Variants in PCDHGA9 observed in about 807,000 individuals in gnomAD.
PCDHGA9 encodes protocadherin gamma-A9.
PCDHGA9 carries 37 observed loss-of-function variants against 62.5 expected under a neutral mutation model. The observed-to-expected ratio is 0.59, with a 90% CI of 0.46 to 0.78. PCDHGA9 has a LOEUF of 0.78. Ranked by LOEUF, PCDHGA9 falls within the 30% of genes least tolerant of loss-of-function variation. PCDHGA9 has a pLI of 0.00. For synonymous variants in PCDHGA9, 459 were observed against 484.6 expected, an observed-to-expected ratio of 0.95 and a Z score of 0.69; for missense variants, 1,138 against 1,166.2, an observed-to-expected ratio of 0.98 and a Z score of 0.35.
At chr5:141,465,184 A>G (rs866520508) in intron 1 of PCDHGA9, among the ~76,000 whole-genome samples, 2 of 152,130 alleles carry the variant, frequency 1.3e-5, no homozygotes, top group Admixed American at 6.5e-5. Flanking sequence ...ATTTAATTAA[A>G]AGATAAAAAT....
intron 1 of PCDHGA9, chr5:141,423,156 C>T (rs62378456): frequency 0.034 from 55,171 of 1,613,388 alleles, 1,070 homozygotes; most frequent in Middle Eastern, 0.098. Context: ...AGCAGAGCCT[C>T]GTGGTGGCCG....
chr5:141,422,487 T>C lies in PCDHGA9; in HGVS notation c.2424+17111T>C, dbSNP rs1295400741. 5.0e-6 allele frequency: 8 copies of C among 1,613,938 alleles called. No individual in the cohort carries two copies. The East Asian group carries it at 1.8e-4, about 36-fold the overall frequency. ...ACAGGGAGTTGGTCCAGAGCTACAA[T>C]ATAACGTTGACAGCCACAGACCAGG... On this transcript the variant is annotated intron_variant, in intron 1 of 3. Coordinates refer to ENST00000573521, the MANE Select transcript of PCDHGA9 (RefSeq NM_018921.3).
At chr5:141,452,256 C>T (rs533770410) in intron 1 of PCDHGA9, among the ~76,000 whole-genome samples, 1 of 152,298 alleles carries the variant, frequency 6.6e-6, no homozygotes, top group African/African-American at 2.4e-5. Flanking sequence ...CCATAACTCT[C>T]TCATTTTCTT....
At chr5:141,469,314 C>A (rs982242861) in intron 1 of PCDHGA9, among the ~76,000 whole-genome samples, 1 of 151,982 alleles carries the variant, frequency 6.6e-6, no homozygotes, top group Non-Finnish European at 1.5e-5. Flanking sequence ...CGATGGCTCA[C>A]GCCTGTAATC....
At chr5:141,466,034 A>T (rs189202430) in intron 1 of PCDHGA9, among the ~76,000 whole-genome samples, 1,557 of 152,178 alleles carry the variant, frequency 0.01, 35 homozygotes, top group African/African-American at 0.035. Flanking sequence ...AGGCAGGAGA[A>T]CGGCATGAAC....
chr5:141,473,925 T>C (rs1338065496), intron 1 of PCDHGA9, among the ~76,000 whole-genome samples: 1 of 152,124 alleles, frequency 6.6e-6, no homozygotes, highest in East Asian at 1.9e-4. Context: ...AACTATGAGC[T>C]GGGTGCAGTA....
chr5:141,414,290 T>G (rs781378958), intron 1 of PCDHGA9: 5 of 1,613,154 alleles, frequency 3.1e-6, no homozygotes, highest in Non-Finnish European at 4.2e-6. Context: ...GTCGTAGCCC[T>G]TTTAAATGTG....
chr5:141,457,635 T>G (rs1242403589), intron 1 of PCDHGA9, among the ~76,000 whole-genome samples: 2 of 152,270 alleles, frequency 1.3e-5, no homozygotes, highest in African/African-American at 4.8e-5. Flanking sequence ...ATACTTGGCC[T>G]GATTATTTGC....
At position 141,491,121 on chromosome 5, in the gene PCDHGA9, G is replaced by T. The variant is rs1176877834; in HGVS notation, c.2425-3686G>T. On this transcript the variant is annotated intron_variant, in intron 1 of 3. Transcript: ENST00000573521. The surrounding 1 kb of genome is among the most constrained non-coding windows in gnomAD (Gnocchi z 6.9). ...TCCTCGTGTCTACACACACTGGTGA[G>T]GTGCGCACAGCCCGGGCCTTACTGG... 5 of 1,614,200 alleles carry T rather than the reference G, an allele frequency of 3.1e-6. No individual in the cohort carries two copies. In the South Asian group the frequency reaches 5.5e-5, roughly 18 times the overall value.
chr5:141,505,911 A>C (rs2099849083), intron 3 of PCDHGA9, among the ~76,000 whole-genome samples: 1 of 152,154 alleles, frequency 6.6e-6, no homozygotes, highest in South Asian at 2.1e-4. Flanking sequence ...CAAAGCATAG[A>C]GTTCTGGGCC....
At position 141,408,301 on chromosome 5, in the gene PCDHGA9, C is replaced by T. The variant is rs1472435921; in HGVS notation, c.2424+2925C>T. 3.1e-6 allele frequency: 5 copies of T among 1,613,756 alleles called. No individual in the cohort carries two copies. In the Admixed American group the frequency reaches 8.3e-5, roughly 27 times the overall value. ...TCTACCCCACCCTGAGTGAGCCGAT[C>T]CGCTACTCGATTCCGGAGGAGCTGG... On this transcript the variant is annotated intron_variant, in intron 1 of 3. Transcript: ENST00000573521.
At chr5:141,501,841 C>T (rs2099811330) in intron 2 of PCDHGA9, among the ~76,000 whole-genome samples, 1 of 152,130 alleles carries the variant, frequency 6.6e-6, no homozygotes, top group African/African-American at 2.4e-5. Flanking sequence ...CTGTTTGGCC[C>T]TCAACCTTCA....
chr5:141,409,881 C>T (rs2095330257), intron 1 of PCDHGA9: 1 of 1,612,978 alleles, frequency 6.2e-7, no homozygotes, highest in Non-Finnish European at 8.5e-7. Context: ...GACAACGCAC[C>T]GCGGGTGCTG....
Position 141,432,943 on chromosome 5 carries a change from A to G in PCDHGA9, c.2424+27567A>G, listed in dbSNP as rs1200038728. ...ACAAGTCACGCCTGCTGCAGGCTTC[A>G]GGAGGCGGCTTGACAGGAGCGCCGG... On this transcript the variant is annotated intron_variant, in intron 1 of 3. Transcript: ENST00000573521. This position sits in a 1 kb window ranked among gnomAD's most constrained non-coding sequence, Gnocchi z 6.0. 5.6e-6 allele frequency: 9 copies of G among 1,614,168 alleles called. No homozygotes were observed. The highest frequency in any genetic ancestry group is 1.7e-4 in the Middle Eastern group (1 of 6,060).
chr5:141,497,148 A>G (rs1436451953), intron 2 of PCDHGA9, among the ~76,000 whole-genome samples: 1 of 152,122 alleles, frequency 6.6e-6, no homozygotes, highest in Non-Finnish European at 1.5e-5. Context: ...ATCACGAAAA[A>G]AAAATAATCT....
At chr5:141,445,109 T>C (rs571834974) in intron 1 of PCDHGA9, among the ~76,000 whole-genome samples, 23 of 152,246 alleles carry the variant, frequency 1.5e-4, no homozygotes, top group Non-Finnish European at 2.8e-4. Flanking sequence ...TCTAATGTTA[T>C]TGTAAATAGT....
chr5:141,465,546 T>C (rs572856697), intron 1 of PCDHGA9, among the ~76,000 whole-genome samples: 1 of 152,338 alleles, frequency 6.6e-6, no homozygotes, highest in South Asian at 2.1e-4. Context: ...GCATTTTTTC[T>C]GCTGAAGCTT....
intron 2 of PCDHGA9, among the ~76,000 whole-genome samples, chr5:141,504,288 G>GT (rs1175142876): frequency 6.6e-6 from 1 of 152,124 alleles, no homozygotes; most frequent in African/African-American, 2.4e-5. Context: ...ATCATTTCAT[G>GT]TTTTTTCAAC....
intron 1 of PCDHGA9, among the ~76,000 whole-genome samples, chr5:141,455,445 C>T (rs1175054167): frequency 6.6e-6 from 1 of 152,134 alleles, no homozygotes; most frequent in Non-Finnish European, 1.5e-5. Context: ...TCCCCATCTA[C>T]CGCGGATACC....
Sources: gnomAD v4.1 joint callset for allele counts (sites outside exome capture counted in the v4.1 genomes callset) on GRCh38, gnomAD v4.1.1 for gene constraint, Gnocchi (gnomAD v3.1) non-coding constraint, MANE v1.5 for transcripts, NCBI Gene and HGNC (gene_info 2026-07-23, HGNC 2026-07-21) for gene names.